Variants in PDE10A observed in about 807,000 individuals in gnomAD.
PDE10A encodes phosphodiesterase 10A, also known as cAMP and cAMP-inhibited cGMP 3',5'-cyclic phosphodiesterase 10A.
Under a neutral mutation model 97.7 loss-of-function variants are expected in PDE10A, and 39 were observed. That is an observed-to-expected ratio of 0.40 (90% CI 0.31 to 0.52). The LOEUF is 0.52. PDE10A is among the 20% of genes least tolerant of loss of function. PDE10A has a pLI of 0.56. For synonymous variants in PDE10A, 371 were observed against 376.8 expected (o/e 0.98, Z 0.18); for missense variants, 731 against 1,047.8 (o/e 0.70, Z 4.17).
At chr6:165,709,645 G>A (rs1002869850) in intron 1 of PDE10A, among the ~76,000 whole-genome samples, 1 of 9,870 alleles carries the variant, frequency 1.0e-4, no homozygotes, top group Non-Finnish European at 1.7e-4. Flanking sequence ...TCTCTCCCCC[G>A]CCACTCTCCA....
At chr6:165,426,956 AGAT>A (rs1304664954) in intron 10 of PDE10A, among the ~76,000 whole-genome samples, 1 of 152,130 alleles carries the variant, frequency 6.6e-6, no homozygotes, top group African/African-American at 2.4e-5. Context: ...TGAAAAAGTC[AGAT>A]AATAGTAAGT....
intron 1 of PDE10A, among the ~76,000 whole-genome samples, chr6:165,581,841 G>T (rs916191316): frequency 2.0e-5 from 3 of 152,188 alleles, no homozygotes; most frequent in Admixed American, 6.6e-5. Context: ...CAGAGACTAT[G>T]AATCAGTCAG....
chr6:165,445,803 C>T (rs1405838126), intron 5 of PDE10A, among the ~76,000 whole-genome samples: 1 of 151,900 alleles, frequency 6.6e-6, no homozygotes, highest in Non-Finnish European at 1.5e-5. Context: ...AAATGCATGT[C>T]TATCTCCAAG....
In PDE10A at chr6:165,691,203, CCACACA is replaced by C. The variant is rs1241239698; in HGVS notation, c.-614-147641_-614-147636del. Among the ~76,000 whole-genome samples the C allele has an allele frequency of 7.4e-5, 8 of 108,662 alleles. 1 individual carries two copies. Among genetic ancestry groups the C allele is most frequent in the Non-Finnish European group, 1.2e-4 (7 of 58,286 alleles). The allele number at this position is 108,662 out of a possible 152,430, so 71.3% of individuals were successfully genotyped here. On this transcript the variant is annotated intron_variant, in intron 1 of 19. Transcript: ENST00000366882. ...TCTCTCTCTCCCTCTCTCTCTCTCC[CCACACA>C]CACACACACACACACACACACACAC...
intron 1 of PDE10A, among the ~76,000 whole-genome samples, chr6:165,972,758 G>A (rs1001921579): frequency 3.3e-5 from 5 of 152,210 alleles, no homozygotes; most frequent in South Asian, 4.1e-4. Flanking sequence ...ATTATTTTTC[G>A]CCAAGAGGCC....
At chr6:165,456,925 C>T (rs1339330736) in intron 3 of PDE10A, among the ~76,000 whole-genome samples, 1 of 152,168 alleles carries the variant, frequency 6.6e-6, no homozygotes, top group East Asian at 1.9e-4. Flanking sequence ...TAACAAATCA[C>T]TCAAACCATA....
At chr6:165,674,497 T>C (rs1400685398) in intron 1 of PDE10A, among the ~76,000 whole-genome samples, 1 of 152,116 alleles carries the variant, frequency 6.6e-6, no homozygotes, top group African/African-American at 2.4e-5. Context: ...TTGACGTGCG[T>C]GCGTGGGAAC....
chr6:165,691,865 C>A (rs1354284781), intron 1 of PDE10A, among the ~76,000 whole-genome samples: 1 of 152,304 alleles, frequency 6.6e-6, no homozygotes, highest in East Asian at 1.9e-4. Context: ...GTCCTGTTAA[C>A]CATTTCATCT....
chr6:165,564,883 G>A (rs896515888), intron 1 of PDE10A, among the ~76,000 whole-genome samples: 4 of 152,168 alleles, frequency 2.6e-5, no homozygotes, highest in Admixed American at 2.6e-4. Context: ...GAGCAAGAGA[G>A]TAAGTATAAA....
chr6:165,519,433 G>A (rs1022571187), intron 2 of PDE10A, among the ~76,000 whole-genome samples: 1 of 151,468 alleles, frequency 6.6e-6, no homozygotes, highest in South Asian at 2.1e-4. Flanking sequence ...GGTAATAATT[G>A]AGAAATCTCA....
chr6:165,951,168 T>C (rs1325326923), intron 1 of PDE10A, among the ~76,000 whole-genome samples: 1 of 152,202 alleles, frequency 6.6e-6, no homozygotes, highest in African/African-American at 2.4e-5. Flanking sequence ...ACCTCCGAAC[T>C]GATACAAAGT....
Position 165,748,940 on chromosome 6 carries a change from C to A in PDE10A, c.-614-205372G>T, listed in dbSNP as rs185443581. Among the ~76,000 whole-genome samples, 12 of 152,152 alleles carry A rather than the reference C, an allele frequency of 7.9e-5. No homozygotes were observed. The East Asian group carries it at 2.3e-3, about 29-fold the overall frequency. ...TTGAATTTCTAATGTATGCCACTGC[C>A]GCTGTGCAATTTGAGCAAGTTAACC... On this transcript the variant is annotated intron_variant, in intron 1 of 19. Transcript: ENST00000366882.
At chr6:165,824,830 T>G (rs1779680461) in intron 1 of PDE10A, among the ~76,000 whole-genome samples, 1 of 151,998 alleles carries the variant, frequency 6.6e-6, no homozygotes, top group Admixed American at 6.6e-5. Context: ...TTGCATTGTA[T>G]TTGAAAGGGG....
chr6:165,476,119 T>TA (rs982577193), intron 3 of PDE10A, among the ~76,000 whole-genome samples: 16 of 138,692 alleles, frequency 1.2e-4, no homozygotes, highest in African/African-American at 2.4e-4. Context: ...TAAATACATT[T>TA]AAAAAAAAAT....
intron 1 of PDE10A, among the ~76,000 whole-genome samples, chr6:165,654,550 C>A (rs553933918): frequency 6.9e-6 from 1 of 143,928 alleles, no homozygotes; most frequent in Non-Finnish European, 1.5e-5. Flanking sequence ...AGCCATCTCA[C>A]GTCCCCACAT....
chr6:165,581,263 T>A (rs1173533386), intron 1 of PDE10A, among the ~76,000 whole-genome samples: 1 of 152,168 alleles, frequency 6.6e-6, no homozygotes, highest in Non-Finnish European at 1.5e-5. Context: ...ATGGACAGAA[T>A]GTGTCCCCCC....
chr6:165,933,012 T>C (rs1393432806), intron 1 of PDE10A, among the ~76,000 whole-genome samples: 1 of 152,128 alleles, frequency 6.6e-6, no homozygotes, highest in African/African-American at 2.4e-5. Flanking sequence ...TCCCCTGGGT[T>C]GATTCCTGGT....
In PDE10A at chr6:165,405,484, CACTG is replaced by C. The variant is rs537239611; in HGVS notation, c.2076+8013_2076+8016del. Among the ~76,000 whole-genome samples, 169 of 152,278 alleles carry C rather than the reference CACTG, an allele frequency of 1.1e-3. 2 individuals carry two copies. Among genetic ancestry groups the C allele is most frequent in the Admixed American group, 0.01 (160 of 15,290 alleles). ...ACTAATGTGAAAACAAAGGATGCAA[CACTG>C]ACTGTCTACTATGGACTATGCACTG... On this transcript the variant is annotated intron_variant, in intron 13 of 21. Coordinates refer to ENST00000539869, the MANE Select transcript of PDE10A (RefSeq NM_001385079.1).
At chr6:165,934,006 T>A (rs7767813) in intron 1 of PDE10A, among the ~76,000 whole-genome samples, 50,523 of 150,112 alleles carry the variant, frequency 0.34, 9,146 homozygotes, top group African/African-American at 0.42. Context: ...TTTTTTTTAG[T>A]CGGAGTCTCA....
Sources: gnomAD v4.1 joint callset for allele counts (sites outside exome capture counted in the v4.1 genomes callset) on GRCh38, gnomAD v4.1.1 for gene constraint, MANE v1.5 for transcripts, NCBI Gene and HGNC (gene_info 2026-07-23, HGNC 2026-07-21) for gene names.